Variants in SETBP1 observed in about 807,000 individuals in gnomAD.
SETBP1 encodes SET-binding protein.
SETBP1 carries 9 observed loss-of-function variants against 101.0 expected under a neutral mutation model. The observed-to-expected ratio is 0.09, with a 90% confidence interval of 0.05 to 0.16. The LOEUF (loss-of-function observed/expected upper bound fraction) is 0.16, where lower values mean the gene tolerates loss of function less well. Ranked by LOEUF, SETBP1 falls within the 10% of genes least tolerant of loss-of-function variation. SETBP1 has a pLI of 1.00. For synonymous variants in SETBP1, 818 were observed against 788.5 expected (o/e 1.04, Z -0.63); for missense variants, 1,858 against 2,033.8 (o/e 0.91, Z 1.66).
intron 5 of SETBP1, among the ~76,000 whole-genome samples, chr18:45,045,366 G>C (rs2073591220): frequency 6.6e-6 from 1 of 152,182 alleles, no homozygotes; most frequent in African/African-American, 2.4e-5. Flanking sequence ...GGGAGGCGGA[G>C]GTTGTAGTGA....
chr18:44,900,649 C>G (rs1404770539), intron 3 of SETBP1, among the ~76,000 whole-genome samples: 2 of 152,208 alleles, frequency 1.3e-5, no homozygotes, highest in African/African-American at 2.4e-5. Flanking sequence ...CCCAGACCAG[C>G]AGCATCAGCA....
chr18:44,747,063 T>C, intron 2 of SETBP1, among the ~76,000 whole-genome samples: 1 of 152,208 alleles, frequency 6.6e-6, no homozygotes, highest in South Asian at 2.1e-4. Context: ...GGCTGCTGTT[T>C]AATGCTGTGC....
At chr18:44,743,821 C>T (rs2070154978) in intron 2 of SETBP1, among the ~76,000 whole-genome samples, 1 of 152,206 alleles carries the variant, frequency 6.6e-6, no homozygotes, top group Admixed American at 6.5e-5. Flanking sequence ...CCATTGTCTG[C>T]TCCCTTTGCA....
At chr18:44,740,313 G>C (rs146636270) in intron 2 of SETBP1, among the ~76,000 whole-genome samples, 1 of 152,108 alleles carries the variant, frequency 6.6e-6, no homozygotes, top group Non-Finnish European at 1.5e-5. Flanking sequence ...ACACATTGTG[G>C]CCATTACAGT....
chr18:44,715,010 C>T (rs1683275734), intron 2 of SETBP1, among the ~76,000 whole-genome samples: 1 of 152,152 alleles, frequency 6.6e-6, no homozygotes, highest in African/African-American at 2.4e-5. Context: ...AAATGGCTTG[C>T]CTGAGCTTAC....
At chr18:44,811,193 T>C (rs769024009) in intron 2 of SETBP1, among the ~76,000 whole-genome samples, 4 of 152,218 alleles carry the variant, frequency 2.6e-5, no homozygotes, top group Non-Finnish European at 5.9e-5. Flanking sequence ...AAACATAACA[T>C]ACTTTATTTA....
rs980411854 is a variant in SETBP1 at position 45,027,121 on chromosome 18, CGA to C, written c.4001-11356_4001-11355del. On this transcript the variant is annotated intron_variant, in intron 4 of 5. Transcript: ENST00000649279. ...TGGCATAACCTTTCCACTATAGAAT[CGA>C]GAGAGAGTGACTTCTGCATTATTAT... is the stretch of plus-strand genomic sequence containing the variant. 3.9e-5 allele frequency among the ~76,000 whole-genome samples: 6 copies of C among 152,132 alleles called. No homozygotes were observed. The South Asian group carries it at 6.2e-4, about 16-fold the overall frequency.
intron 2 of SETBP1, among the ~76,000 whole-genome samples, chr18:44,824,113 C>CTG (rs1167217219): frequency 2.0e-5 from 3 of 152,026 alleles, no homozygotes; most frequent in Non-Finnish European, 4.4e-5. Context: ...AAGTGGCTGC[C>CTG]TGTGTGTGTG....
chr18:44,824,795 G>A (rs914426193), intron 2 of SETBP1, among the ~76,000 whole-genome samples: 2 of 152,192 alleles, frequency 1.3e-5, no homozygotes, highest in South Asian at 4.1e-4. Flanking sequence ...GAGAGCAATA[G>A]GAAGGGAAGG....
intron 2 of SETBP1, among the ~76,000 whole-genome samples, chr18:44,812,377 T>C (rs755079570): frequency 6.6e-6 from 1 of 152,200 alleles, no homozygotes; most frequent in Non-Finnish European, 1.5e-5. Flanking sequence ...TGCTTGTAAT[T>C]TGGATTGATT....
intron 4 of SETBP1, chr18:44,985,998 A>G (rs1335190559): frequency 1.3e-5 from 2 of 152,230 alleles, no homozygotes; most frequent in Non-Finnish European, 2.9e-5. Flanking sequence ...AGAAAAATAT[A>G]CATTATGGCA....
At chr18:44,817,619 A>C (rs1286720707) in intron 2 of SETBP1, among the ~76,000 whole-genome samples, 2 of 150,846 alleles carry the variant, frequency 1.3e-5, no homozygotes. Context: ...CGGGAGGCAG[A>C]GCTTGCAGTG....
chr18:44,861,266 T>G (rs1216912079), intron 2 of SETBP1, among the ~76,000 whole-genome samples: 1 of 136,608 alleles, frequency 7.3e-6, no homozygotes, highest in Non-Finnish European at 1.6e-5. Context: ...TGAGACGGAA[T>G]CTTGCTCTGT....
At chr18:44,692,552 C>G (rs929980906) in intron 1 of SETBP1, among the ~76,000 whole-genome samples, 23 of 152,170 alleles carry the variant, frequency 1.5e-4, no homozygotes, top group Non-Finnish European at 1.8e-4. Flanking sequence ...TAGCCCTTGT[C>G]CTCATGGAGC....
chr18:44,758,031 G>A (rs1257247153), intron 2 of SETBP1, among the ~76,000 whole-genome samples: 3 of 152,178 alleles, frequency 2.0e-5, no homozygotes, highest in African/African-American at 2.4e-5. Flanking sequence ...CTAAGGTTGA[G>A]GCGGGGTGGA....
chr18:44,845,807 A>T (rs2072712896), intron 2 of SETBP1, among the ~76,000 whole-genome samples: 1 of 152,196 alleles, frequency 6.6e-6, no homozygotes, highest in African/African-American at 2.4e-5. Flanking sequence ...TGCACTCAAG[A>T]GGGAAACCTG....
At chr18:44,780,081 C>T (rs2144676884) in intron 2 of SETBP1, among the ~76,000 whole-genome samples, 1 of 152,228 alleles carries the variant, frequency 6.6e-6, no homozygotes, top group South Asian at 2.1e-4. Context: ...TGCCTGCTCC[C>T]AGCACGACCT....
At chr18:45,057,486 A>T (rs905661134) in intron 5 of SETBP1, among the ~76,000 whole-genome samples, 3 of 152,292 alleles carry the variant, frequency 2.0e-5, no homozygotes, top group South Asian at 4.1e-4. Flanking sequence ...CTGCTGTATC[A>T]ATGGGCCTGT....
chr18:45,046,828 G>T (rs1328930692), intron 5 of SETBP1, among the ~76,000 whole-genome samples: 1 of 152,200 alleles, frequency 6.6e-6, no homozygotes, highest in East Asian at 1.9e-4. Context: ...AGAAGCAAAA[G>T]CCAGGAGACT....
Sources: allele counts gnomAD v4.1 joint callset (sites outside exome capture counted in the v4.1 genomes callset), GRCh38; gene constraint gnomAD v4.1.1; transcripts MANE v1.5; gene names NCBI Gene and HGNC (gene_info 2026-07-23, HGNC 2026-07-21).